The following ALLC variants were observed in gnomAD, a reference collection of about 807,000 sequenced individuals.
The protein encoded by ALLC is probable inactive allantoicase.
Under a neutral mutation model 45.0 loss-of-function variants are expected in ALLC, and 40 were observed. The observed-to-expected ratio is 0.89, with a 90% CI of 0.69 to 1.16. ALLC has a LOEUF of 1.16. Among genes scored for constraint, ALLC ranks in the 50% most tolerant of loss-of-function variants. The pLI is 0.00. For missense variants in ALLC, 488 were observed against 493.1 expected (o/e 0.99, Z 0.10); for synonymous variants, 176 against 178.1 (o/e 0.99, Z 0.09).
chr2:3,694,228 C>T (rs1428083128), intron 7 of ALLC, among the ~76,000 whole-genome samples: 1 of 152,214 alleles, frequency 6.6e-6, no homozygotes, highest in East Asian at 1.9e-4. Flanking sequence ...CACATGAAAG[C>T]TCTTTCCTAA....
chr2:3,650,557 A>AAC, the ALLC span, among the ~76,000 whole-genome samples: 123,490 of 152,138 alleles, frequency 0.81, 50,383 homozygotes, highest in African/African-American at 0.87. Flanking sequence ...CGGCCCGGTG[A>AAC]ACATGTGGGC....
At chr2:3,670,871 G>GGGCCGGGTGCGGTGGCTC (rs1443114162) in intron 1 of ALLC, among the ~76,000 whole-genome samples, 1 of 146,180 alleles carries the variant, frequency 6.8e-6, no homozygotes, top group Non-Finnish European at 1.5e-5. Flanking sequence ...ACTTTAGAAG[G>GGGCCGGGTGCGGTGGCTC]AAGCCATGTT....
chr2:3,699,600 C>T (rs1228693203), intron 10 of ALLC, among the ~76,000 whole-genome samples: 1 of 152,206 alleles, frequency 6.6e-6, no homozygotes, highest in African/African-American at 2.4e-5. Flanking sequence ...AATGGCTGAA[C>T]TAATTTACAC....
At chr2:3,658,533 C>T (rs1283361660) in intron 1 of ALLC, among the ~76,000 whole-genome samples, 2 of 152,018 alleles carry the variant, frequency 1.3e-5, no homozygotes, top group Non-Finnish European at 2.9e-5. Context: ...GGTCACTGCT[C>T]TGTTTGGTTT....
At chr2:3,653,635 C>T (rs1666383142), upstream of ALLC, among the ~76,000 whole-genome samples, 2 of 152,136 alleles carry the variant, frequency 1.3e-5, no homozygotes, top group African/African-American at 4.8e-5. This position sits in a 1 kb window ranked among gnomAD's most constrained non-coding sequence, Gnocchi z 4.1. Flanking sequence ...TGGCATTGCT[C>T]TTGGGCTCAG....
At position 3,701,643 on chromosome 2, in the gene ALLC, G is replaced by A; in HGVS notation, c.975+7G>A. ...ACTGCTTCCAGTGACCAAGGTTCGTGTGGCATGTTATTCGGATCCAGCACT... is the reference window on the plus strand; with the variant it reads ...ACTGCTTCCAGTGACCAAGGTTCGTATGGCATGTTATTCGGATCCAGCACT... On this transcript the variant is annotated splice_region_variant and intron_variant, in intron 11 of 11. Coordinates refer to ENST00000252505, the MANE Select transcript of ALLC (RefSeq NM_018436.4). 9.9e-6 allele frequency: 16 copies of A among 1,609,834 alleles called. No individual in the cohort carries two copies. Among genetic ancestry groups the A allele is most frequent in the Non-Finnish European group, 1.3e-5 (15 of 1,177,352 alleles).
chr2:3,698,650 T>C (rs951367089), intron 10 of ALLC, among the ~76,000 whole-genome samples: 1 of 152,248 alleles, frequency 6.6e-6, no homozygotes, highest in African/African-American at 2.4e-5. Flanking sequence ...ACTTCTACAA[T>C]TGTTATGTGA....
upstream of ALLC, among the ~76,000 whole-genome samples, chr2:3,656,040 G>A (rs1026675042): frequency 1.3e-5 from 2 of 152,238 alleles, no homozygotes; most frequent in Admixed American, 1.3e-4. Flanking sequence ...AGGTTGTTGT[G>A]CCTGAAGAGT....
intron 7 of ALLC, among the ~76,000 whole-genome samples, chr2:3,690,571 G>C (rs1667488342): frequency 6.7e-6 from 1 of 149,710 alleles, no homozygotes; most frequent in Non-Finnish European, 1.5e-5. Flanking sequence ...TTTGCACTGT[G>C]GTTACCATGA....
the ALLC span, among the ~76,000 whole-genome samples, chr2:3,649,216 G>C: frequency 6.6e-6 from 1 of 151,312 alleles, no homozygotes; most frequent in Non-Finnish European, 1.5e-5. Flanking sequence ...GTCATCACCA[G>C]ACTTCGAAAA....
rs74892230 is a variant in ALLC at position 3,689,525 on chromosome 2, C to G, written c.512-6192C>G. ...TGTTTGTGTATTTTCCAATGTGTCT[C>G]TTATTATTGATTTCTAGTTTTATTC... On this transcript the variant is annotated intron_variant, in intron 7 of 11. Coordinates refer to ENST00000252505, the MANE Select transcript of ALLC (RefSeq NM_018436.4). Among the ~76,000 whole-genome samples the G allele has an allele frequency of 7.0e-3, 1,064 of 150,996 alleles. 73 individuals are homozygous for G. The highest frequency in any genetic ancestry group is 0.038 in the Admixed American group (581 of 15,130).
At chr2:3,666,250 G>C (rs1298133180) in intron 1 of ALLC, among the ~76,000 whole-genome samples, 1 of 152,196 alleles carries the variant, frequency 6.6e-6, no homozygotes, top group Non-Finnish European at 1.5e-5. Context: ...GCTCTGTACC[G>C]GGGCATAGTG....
chr2:3,681,979 A>G (rs1486547449), intron 6 of ALLC, among the ~76,000 whole-genome samples: 1 of 152,234 alleles, frequency 6.6e-6, no homozygotes, highest in Admixed American at 6.5e-5. Flanking sequence ...GCACACATAC[A>G]GAAACTGATA....
At position 3,685,481 on chromosome 2, in the gene ALLC, G is replaced by C. The variant is rs1404877536; in HGVS notation, c.511+2407G>C. Among the ~76,000 whole-genome samples, 2 of 150,658 alleles carry C rather than the reference G, an allele frequency of 1.3e-5. 1 individual carries two copies. The highest frequency in any genetic ancestry group is 3.0e-5 in the Non-Finnish European group (2 of 67,442). ...AGAGAGACAGAGACAGACAGACAGA[G>C]AGAGACAGAGAAAGGGGGAAGAGCC... On this transcript the variant is annotated intron_variant, in intron 7 of 11. Transcript: ENST00000252505.
At position 3,689,931 on chromosome 2, in the gene ALLC, T is replaced by TA. The variant is rs1440497752; in HGVS notation, c.512-5786_512-5785insA. On this transcript the variant is annotated intron_variant, in intron 7 of 11. Transcript: ENST00000252505. ...ATATTCATAATTGACCCATTTATCA[T>TA]TATACAGTGTCTTGTCTTTTTTTTT... 2.1e-5 allele frequency among the ~76,000 whole-genome samples: 3 copies of TA among 144,168 alleles called. No homozygotes were observed. The East Asian group carries it at 6.3e-4, about 30-fold the overall frequency. 94.6% of individuals were successfully genotyped at this position (144,168 alleles called of 152,430 possible). A position where few individuals can be genotyped will look rare whatever the true frequency, so the allele number is the denominator to read the frequency against.
the ALLC span, among the ~76,000 whole-genome samples, chr2:3,649,084 C>G: frequency 4.9e-4 from 74 of 152,222 alleles, no homozygotes; most frequent in African/African-American, 1.7e-3. Flanking sequence ...GAAACGGCAA[C>G]ACACGTCATA....
the ALLC span, among the ~76,000 whole-genome samples, chr2:3,649,740 C>T: frequency 1.3e-5 from 2 of 152,252 alleles, no homozygotes; most frequent in African/African-American, 4.8e-5. Flanking sequence ...GCAACACACC[C>T]GCACTCACAC....
At chr2:3,661,670 C>T (rs1666580372) in intron 1 of ALLC, among the ~76,000 whole-genome samples, 1 of 152,234 alleles carries the variant, frequency 6.6e-6, no homozygotes, top group Non-Finnish European at 1.5e-5. Flanking sequence ...CTCTTAGCAC[C>T]TCTCCGACGA....
At chr2:3,669,055 G>A (rs894683089) in intron 1 of ALLC, among the ~76,000 whole-genome samples, 4 of 152,128 alleles carry the variant, frequency 2.6e-5, no homozygotes, top group East Asian at 1.9e-4. Flanking sequence ...AGATAATTCC[G>A]GCCAGGCACA....
Sources: gnomAD v4.1 joint callset for allele counts (sites outside exome capture counted in the v4.1 genomes callset) on GRCh38, gnomAD v4.1.1 for gene constraint, Gnocchi (gnomAD v3.1) non-coding constraint, MANE v1.5 for transcripts, NCBI Gene and HGNC (gene_info 2026-07-23, HGNC 2026-07-21) for gene names.